Variants in SLC4A4 observed in about 807,000 individuals in gnomAD.
SLC4A4 encodes the protein electrogenic sodium bicarbonate cotransporter 1.
SLC4A4 carries 27 observed loss-of-function variants against 111.5 expected under a neutral mutation model. That is an observed-to-expected ratio of 0.24 (90% CI 0.18 to 0.33). SLC4A4 has a LOEUF of 0.33. SLC4A4 is among the 10% of genes least tolerant of loss of function. The pLI is 1.00. For missense variants in SLC4A4, 909 were observed against 1,315.5 expected (o/e 0.69, Z 4.78); for synonymous variants, 443 against 463.4 (o/e 0.96, Z 0.57).
chr4:71,550,294 C>T (rs181370403), intron 20 of SLC4A4, among the ~76,000 whole-genome samples: 10 of 152,032 alleles, frequency 6.6e-5, no homozygotes, highest in Non-Finnish European at 7.4e-5. Flanking sequence ...TTCCTTACTT[C>T]GGGAATCACA....
chr4:71,450,319 A>G (rs963098405), intron 9 of SLC4A4, 70 bp from the exon 10 acceptor site: 10 of 1,090,250 alleles, frequency 9.2e-6, no homozygotes, highest in Non-Finnish European at 1.4e-5. Context: ...TGCATTCTTC[A>G]GGCTTGATAT....
intron 1 of SLC4A4, among the ~76,000 whole-genome samples, chr4:71,075,003 T>C (rs1295394236): frequency 6.6e-6 from 1 of 152,110 alleles, no homozygotes; most frequent in Non-Finnish European, 1.5e-5. Flanking sequence ...GGAGGACATA[T>C]AACAAGGCTT....
chr4:71,292,827 CTTTTGGTTT>C (rs1158105984), intron 3 of SLC4A4, among the ~76,000 whole-genome samples: 216 of 140,882 alleles, frequency 1.5e-3, no homozygotes, highest in African/African-American at 5.6e-3. Context: ...GTATGTCTTA[CTTTTGGTTT>C]TTTTTGTTTT....
At position 71,270,219 on chromosome 4, in the gene SLC4A4, CTG is replaced by C. The variant is rs1440292906; in HGVS notation, c.253+14821_253+14822del. 3.3e-5 allele frequency among the ~76,000 whole-genome samples: 5 copies of C among 152,124 alleles called. No homozygotes were observed. In the East Asian group the frequency reaches 9.6e-4, roughly 29 times the overall value. On this transcript the variant is annotated intron_variant, in intron 3 of 25. Transcript: ENST00000264485. ...TCTCTTGCCTCAGCCTCCCGAGTAA[CTG>C]GGATTACAGGCACCTGCCACCATGC...
intron 1 of SLC4A4, among the ~76,000 whole-genome samples, chr4:71,213,643 C>A (rs1718261067): frequency 6.6e-6 from 1 of 152,126 alleles, no homozygotes; most frequent in Admixed American, 6.5e-5. Context: ...TCCACCCTGA[C>A]CCCCACCCAG....
intron 15 of SLC4A4, among the ~76,000 whole-genome samples, chr4:71,490,013 TA>T (rs1298352221): frequency 2.6e-5 from 4 of 151,820 alleles, no homozygotes; most frequent in African/African-American, 4.8e-5. Flanking sequence ...TGTCTCAAGA[TA>T]AAAAGGCAGG....
At chr4:71,088,393 A>T (rs1249827269) in intron 1 of SLC4A4, among the ~76,000 whole-genome samples, 1 of 152,006 alleles carries the variant, frequency 6.6e-6, no homozygotes, top group Non-Finnish European at 1.5e-5. Context: ...TGGAGCATTT[A>T]GCCCATTTAC....
intron 12 of SLC4A4, 68 bp from the exon 13 acceptor site, chr4:71,466,376 C>T (rs1394404331): frequency 6.3e-7 from 1 of 1,583,562 alleles, no homozygotes; most frequent in Non-Finnish European, 8.7e-7. Context: ...CTTTATTTGC[C>T]TAGTGACATC....
At chr4:71,409,659 A>G (rs1721185016) in intron 7 of SLC4A4, among the ~76,000 whole-genome samples, 1 of 152,104 alleles carries the variant, frequency 6.6e-6, no homozygotes, top group African/African-American at 2.4e-5. Context: ...GAAAAGAAAA[A>G]CCCATGTTTT....
intron 7 of SLC4A4, among the ~76,000 whole-genome samples, chr4:71,433,041 T>A (rs980769986): frequency 6.6e-6 from 1 of 152,146 alleles, no homozygotes; most frequent in Non-Finnish European, 1.5e-5. Context: ...ATTGTTGAAT[T>A]ATTTTCCTTA....
At chr4:71,266,270 T>A (rs1722254288) in intron 3 of SLC4A4, among the ~76,000 whole-genome samples, 1 of 152,218 alleles carries the variant, frequency 6.6e-6, no homozygotes, top group Non-Finnish European at 1.5e-5. Context: ...TAGTTTATTT[T>A]AAAAATACCA....
intron 7 of SLC4A4, among the ~76,000 whole-genome samples, chr4:71,431,596 A>G (rs539375188): frequency 1.1e-4 from 16 of 152,260 alleles, no homozygotes; most frequent in African/African-American, 3.4e-4. Context: ...TTCTAGTGCT[A>G]CAGAGTCCAT....
At chr4:71,442,304 T>A (rs1458286502) in intron 8 of SLC4A4, among the ~76,000 whole-genome samples, 1 of 152,146 alleles carries the variant, frequency 6.6e-6, no homozygotes, top group Non-Finnish European at 1.5e-5. Context: ...AGGGCTAGTG[T>A]AGAGGTAAAA....
At chr4:71,089,489 C>G (rs899845330) in intron 1 of SLC4A4, among the ~76,000 whole-genome samples, 4 of 151,984 alleles carry the variant, frequency 2.6e-5, no homozygotes, top group Admixed American at 2.6e-4. Flanking sequence ...TTTAGAGTTT[C>G]CAGTTTTTCT....
intron 2 of SLC4A4, among the ~76,000 whole-genome samples, chr4:71,144,101 T>C (rs1205196897): frequency 1.3e-5 from 2 of 152,254 alleles, no homozygotes; most frequent in Non-Finnish European, 2.9e-5. Flanking sequence ...AAGTATTTAA[T>C]CTATTTTGAA....
intron 3 of SLC4A4, among the ~76,000 whole-genome samples, chr4:71,309,473 G>A (rs1373693308): frequency 6.6e-6 from 1 of 152,154 alleles, no homozygotes; most frequent in African/African-American, 2.4e-5. Context: ...CCTCATACAG[G>A]AGGAAGGAGC....
At position 71,496,509 on chromosome 4, in the gene SLC4A4, C is replaced by G. The variant is rs201739877; in HGVS notation, c.1975-992C>G. Among the ~76,000 whole-genome samples, 3 of 151,966 alleles carry G rather than the reference C, an allele frequency of 2.0e-5. No homozygotes were observed. The East Asian group carries it at 5.8e-4, about 29-fold the overall frequency. ...ACGAAGAGGGTATAGTTTTAGACCC[C>G]GGTTAGTATTGGTCAGTAATCGGCT... On this transcript the variant is annotated intron_variant, in intron 15 of 25. Transcript: ENST00000264485.
At chr4:71,088,596 C>G (rs749727863) in intron 1 of SLC4A4, among the ~76,000 whole-genome samples, 2 of 151,940 alleles carry the variant, frequency 1.3e-5, no homozygotes, top group Admixed American at 6.6e-5. Context: ...TTTGGGCAGA[C>G]TTGGTGGTGA....
chr4:71,558,343 C>G (rs779161496), intron 22 of SLC4A4, among the ~76,000 whole-genome samples: 33 of 151,918 alleles, frequency 2.2e-4, no homozygotes, highest in Non-Finnish European at 4.3e-4. Context: ...TGTGAGAACT[C>G]ATCCAGTACA....
Sources: allele counts gnomAD v4.1 joint callset (sites outside exome capture counted in the v4.1 genomes callset), GRCh38; gene constraint gnomAD v4.1.1; transcripts MANE v1.5; gene names NCBI Gene and HGNC (gene_info 2026-07-23, HGNC 2026-07-21).